KCNJ3: variants seen among roughly 807,000 people sequenced by gnomAD.
The protein encoded by KCNJ3 is potassium inwardly rectifying channel subfamily J member 3.
In KCNJ3, 4 loss-of-function variants were observed where a neutral mutation model predicts 39.2. The observed-to-expected ratio is 0.10, with a 90% CI of 0.05 to 0.23. KCNJ3 has a LOEUF of 0.23. KCNJ3 is among the 10% of genes least tolerant of loss of function. KCNJ3 has a pLI of 1.00. For missense variants in KCNJ3, 276 were observed against 634.9 expected, an observed-to-expected ratio of 0.43 and a Z score of 6.08; for synonymous variants, 230 against 237.4, an observed-to-expected ratio of 0.97 and a Z score of 0.29.
Position 154,858,048 on chromosome 2 carries a change from G to T in KCNJ3, c.*2735G>T, listed in dbSNP as rs1370469014. 3 of 151,854 alleles carry T rather than the reference G, an allele frequency of 2.0e-5. No individual in the cohort carries two copies. The highest frequency in any genetic ancestry group is 7.3e-5 in the African/African-American group (3 of 41,348). The allele number at this position is 151,854 out of a possible 1,614,324, so 9.4% of individuals were successfully genotyped here. On this transcript the variant is annotated 3_prime_UTR_variant, in exon 3 of 3. Coordinates refer to ENST00000295101, the MANE Select transcript of KCNJ3 (RefSeq NM_002239.4). ...GAACAGAAATCTATCTCATGAGAAA[G>T]TGCTACTGTTGTCAAAATTACCTTA...
At chr2:154,819,060 A>ATC (rs1407484918) in intron 2 of KCNJ3, among the ~76,000 whole-genome samples, 2 of 151,268 alleles carry the variant, frequency 1.3e-5, no homozygotes, top group East Asian at 3.9e-4. Context: ...AGCTACTCTG[A>ATC]AAGCAGAGGC....
In KCNJ3 at chr2:154,709,599, C is replaced by T. The variant is rs760468149; in HGVS notation, c.703-4C>T. 1.2e-6 allele frequency: 2 copies of T among 1,612,322 alleles called. No homozygotes were observed. Among genetic ancestry groups the T allele is most frequent in the Non-Finnish European group, 1.7e-6 (2 of 1,178,938 alleles). On this transcript the variant is annotated splice_polypyrimidine_tract_variant and splice_region_variant and intron_variant, in intron 1 of 2. Transcript: ENST00000295101. Reference sequence around the variant, plus strand: ...TTCTTCTCTTTTTCTGTGTGCTTGTCTAGTCTCGGCAGACACCTGAGGGTG... The same window carrying T: ...TTCTTCTCTTTTTCTGTGTGCTTGTTTAGTCTCGGCAGACACCTGAGGGTG...
At chr2:154,791,406 C>T (rs1212210791) in intron 2 of KCNJ3, among the ~76,000 whole-genome samples, 2 of 151,972 alleles carry the variant, frequency 1.3e-5, no homozygotes, top group East Asian at 3.9e-4. Flanking sequence ...GTTACATGTG[C>T]TTTACCTCAT....
Position 154,699,511 on chromosome 2 carries a change from C to T in KCNJ3, c.702+34C>T. ...TCCCCGCCCCTTCCCCACCGGGAGA[C>T]CTGCGTCCCCCAAACCCGCGGAGTA... On this transcript the variant is annotated intron_variant, in intron 1 of 2. Transcript: ENST00000295101. This position sits in a 1 kb window ranked among gnomAD's most constrained non-coding sequence, Gnocchi z 6.4. The T allele has an allele frequency of 3.9e-6, 6 of 1,525,342 alleles. No individual in the cohort carries two copies. The highest frequency in any genetic ancestry group is 5.3e-6 in the Non-Finnish European group (6 of 1,139,850). 94.5% of individuals were successfully genotyped at this position (1,525,342 alleles called of 1,614,324 possible).
At chr2:154,853,649 A>G (rs1687793298) in intron 2 of KCNJ3, among the ~76,000 whole-genome samples, 1 of 152,096 alleles carries the variant, frequency 6.6e-6, no homozygotes, top group Non-Finnish European at 1.5e-5. Flanking sequence ...TATTTACAGA[A>G]AATTGTGTCT....
intron 2 of KCNJ3, among the ~76,000 whole-genome samples, chr2:154,746,366 G>A (rs921617832): frequency 6.6e-6 from 1 of 151,612 alleles, no homozygotes; most frequent in African/African-American, 2.4e-5. Flanking sequence ...TTGTTTAAGG[G>A]TGAACTGTAT....
chr2:154,783,960 T>C (rs1686483450), intron 2 of KCNJ3, among the ~76,000 whole-genome samples: 1 of 152,210 alleles, frequency 6.6e-6, no homozygotes, highest in African/African-American at 2.4e-5. Context: ...AATTGATTCA[T>C]AAAGGAATGA....
At chr2:154,791,741 A>T (rs1025696844) in intron 2 of KCNJ3, among the ~76,000 whole-genome samples, 1 of 152,076 alleles carries the variant, frequency 6.6e-6, no homozygotes, top group East Asian at 1.9e-4. Flanking sequence ...ACAAATTTTA[A>T]TACAGCCAAG....
At chr2:154,746,308 T>C (rs1267777293) in intron 2 of KCNJ3, among the ~76,000 whole-genome samples, 3 of 151,942 alleles carry the variant, frequency 2.0e-5, no homozygotes, top group Non-Finnish European at 4.4e-5. Flanking sequence ...TCAAAAGTTG[T>C]ATGTAAACTT....
intron 2 of KCNJ3, among the ~76,000 whole-genome samples, chr2:154,779,204 GAGA>G: frequency 6.6e-6 from 1 of 151,882 alleles, no homozygotes; most frequent in Non-Finnish European, 1.5e-5. Flanking sequence ...AGAATCATTT[GAGA>G]AGTTTAACGG....
chr2:154,700,997 A>G (rs1684884893), intron 1 of KCNJ3, among the ~76,000 whole-genome samples: 1 of 152,192 alleles, frequency 6.6e-6, no homozygotes. Flanking sequence ...ATTAATTTCA[A>G]TGAACTGCAT....
At chr2:154,850,842 TA>T (rs1369957913) in intron 2 of KCNJ3, among the ~76,000 whole-genome samples, 3 of 152,200 alleles carry the variant, frequency 2.0e-5, no homozygotes, top group Non-Finnish European at 4.4e-5. Flanking sequence ...CTTCTGCTAT[TA>T]GGGGTAGTTA....
intron 2 of KCNJ3, among the ~76,000 whole-genome samples, chr2:154,712,695 CG>C (rs901960152): frequency 6.6e-6 from 1 of 151,804 alleles, no homozygotes; most frequent in South Asian, 2.1e-4. Flanking sequence ...CATTGTGTTG[CG>C]GGGGGTGAGC....
chr2:154,833,598 T>C (rs1220172127), intron 2 of KCNJ3, among the ~76,000 whole-genome samples: 1 of 152,184 alleles, frequency 6.6e-6, no homozygotes, highest in Non-Finnish European at 1.5e-5. Context: ...TGTTATATAT[T>C]CTGAGTTTTA....
rs772866114 is a variant in KCNJ3 at position 154,854,728 on chromosome 2, G to T, written c.921G>T (p.Gly307=). 1 of 1,599,638 alleles carries T rather than the reference G, an allele frequency of 6.3e-7. No individual in the cohort carries two copies. Among genetic ancestry groups the T allele is most frequent in the African/African-American group, 1.3e-5 (1 of 74,516 alleles). ...CAAGAATTTTCTCTTTTCTTGTAGG[G>T]ATGACTTGTCAAGCTCGAACATCAT... is the stretch of plus-strand genomic sequence containing the variant. ...VILEGIVETT[G]MTCQARTSYT... Residue 307 remains glycine, a splice_region_variant and synonymous_variant, in exon 3 of 3, where the codon GGG becomes GGT. Coordinates refer to ENST00000295101, the MANE Select transcript of KCNJ3 (RefSeq NM_002239.4).
chr2:154,700,845 C>T (rs1443689969), intron 1 of KCNJ3, among the ~76,000 whole-genome samples: 1 of 152,146 alleles, frequency 6.6e-6, no homozygotes, highest in African/African-American at 2.4e-5. Context: ...CCTGTCACAT[C>T]ATATCATATG....
chr2:154,710,732 A>C (rs905145033), intron 2 of KCNJ3, among the ~76,000 whole-genome samples: 3 of 152,166 alleles, frequency 2.0e-5, no homozygotes, highest in Admixed American at 6.5e-5. Context: ...TATCATCTGA[A>C]TTATATAATA....
At chr2:154,787,733 C>T (rs563761348) in intron 2 of KCNJ3, among the ~76,000 whole-genome samples, 5 of 150,060 alleles carry the variant, frequency 3.3e-5, no homozygotes, top group Admixed American at 1.3e-4. Flanking sequence ...CTAGCCTGTG[C>T]CATTTTCAAC....
chr2:154,823,644 T>C (rs1158018219), intron 2 of KCNJ3, among the ~76,000 whole-genome samples: 1 of 152,176 alleles, frequency 6.6e-6, no homozygotes, highest in Non-Finnish European at 1.5e-5. Context: ...ATATAATGTA[T>C]ATCTGCATTA....
Sources: gnomAD v4.1 joint callset for allele counts (sites outside exome capture counted in the v4.1 genomes callset) on GRCh38, gnomAD v4.1.1 for gene constraint, Gnocchi (gnomAD v3.1) non-coding constraint, MANE v1.5 for transcripts, NCBI Gene and HGNC (gene_info 2026-07-23, HGNC 2026-07-21) for gene names.